AKAP7: variants seen among roughly 807,000 people sequenced by gnomAD.
AKAP7 encodes the protein A-kinase anchoring protein 7, also known as A kinase (PRKA) anchor protein 7.
In AKAP7, 39 loss-of-function variants were observed where a neutral mutation model predicts 39.5. That is an observed-to-expected ratio of 0.99 (90% CI 0.76 to 1.29). The LOEUF (loss-of-function observed/expected upper bound fraction) is 1.29. Among genes scored for constraint, AKAP7 ranks in the 50% most tolerant of loss-of-function variants. The pLI is 0.00. For synonymous variants in AKAP7, 140 were observed against 139.1 expected (o/e 1.01, Z -0.05); for missense variants, 414 against 407.7 (o/e 1.02, Z -0.13).
At chr6:131,203,083 G>C (rs1370071650) in intron 6 of AKAP7, among the ~76,000 whole-genome samples, 1 of 152,092 alleles carries the variant, frequency 6.6e-6, no homozygotes, top group African/African-American at 2.4e-5. Context: ...AGACCTGCAG[G>C]CTTAAATAAA....
chr6:131,252,933 C>A, intron 7 of AKAP7: 2 of 1,080,144 alleles, frequency 1.9e-6, no homozygotes, highest in South Asian at 1.4e-5. Context: ...CTGTAACAGG[C>A]GGTGGCCCTA....
At chr6:131,261,730 T>C (rs930062592) in intron 7 of AKAP7, among the ~76,000 whole-genome samples, 2 of 152,206 alleles carry the variant, frequency 1.3e-5, no homozygotes, top group East Asian at 3.9e-4. Context: ...AGCTGTTCCT[T>C]TGTACCCTTT....
chr6:131,183,317 C>T (rs921972880), intron 5 of AKAP7, among the ~76,000 whole-genome samples: 18 of 152,036 alleles, frequency 1.2e-4, no homozygotes, highest in East Asian at 1.9e-4. Flanking sequence ...CAGCTGCTAG[C>T]GAGCATGCAG....
chr6:131,272,242 A>G (rs1814344486), intron 7 of AKAP7, among the ~76,000 whole-genome samples: 1 of 152,150 alleles, frequency 6.6e-6, no homozygotes, highest in Non-Finnish European at 1.5e-5. Flanking sequence ...TATTGGCAAT[A>G]TACATCTTGT....
chr6:131,250,115 A>C (rs1014218865), intron 7 of AKAP7: 7 of 949,828 alleles, frequency 7.4e-6, no homozygotes, highest in African/African-American at 1.8e-5. Context: ...TTTAAGTAGC[A>C]GACAGAAAAT....
In AKAP7 at chr6:131,259,601, G is replaced by C. The variant is rs184680909; in HGVS notation, c.851-21929G>C. 6.2e-4 allele frequency among the ~76,000 whole-genome samples: 95 copies of C among 152,254 alleles called. 1 individual carries two copies. The highest frequency in any genetic ancestry group is 2.2e-3 in the African/African-American group (93 of 41,530). On this transcript the variant is annotated intron_variant, in intron 7 of 7. Coordinates refer to ENST00000431975, the MANE Select transcript of AKAP7 (RefSeq NM_016377.4). ...CAGTGGTAAAGATACATTAAACCCA[G>C]TAGTATTCTAATTATGTTTGCAGTA...
chr6:131,192,389 A>T (rs1431919327), intron 5 of AKAP7, among the ~76,000 whole-genome samples: 1 of 152,126 alleles, frequency 6.6e-6, no homozygotes, highest in Non-Finnish European at 1.5e-5. Flanking sequence ...TTGAAAATGA[A>T]TTCACTGTAG....
At chr6:131,205,567 GA>G (rs1808015434) in intron 6 of AKAP7, among the ~76,000 whole-genome samples, 1 of 152,146 alleles carries the variant, frequency 6.6e-6, no homozygotes, top group Admixed American at 6.6e-5. Flanking sequence ...TGAAAATACA[GA>G]AACTCTCTCT....
At chr6:131,178,488 G>T (rs190728296) in intron 5 of AKAP7, among the ~76,000 whole-genome samples, 3 of 152,170 alleles carry the variant, frequency 2.0e-5, no homozygotes, top group Admixed American at 6.5e-5. Flanking sequence ...CTTCTTTGAC[G>T]TTAGCATCCT....
At chr6:131,147,796 C>T (rs916295264) in intron 2 of AKAP7, among the ~76,000 whole-genome samples, 10 of 152,194 alleles carry the variant, frequency 6.6e-5, no homozygotes, top group African/African-American at 2.2e-4. Flanking sequence ...CATTGGAGTG[C>T]ATAAGTTAGA....
chr6:131,203,018 T>C (rs1807750341), intron 6 of AKAP7, among the ~76,000 whole-genome samples: 1 of 152,062 alleles, frequency 6.6e-6, no homozygotes, highest in African/African-American at 2.4e-5. Flanking sequence ...CTTTTGATGT[T>C]CAGTAAATGC....
At position 131,257,764 on chromosome 6, in the gene AKAP7, G is replaced by A. The variant is rs137977192; in HGVS notation, c.851-23766G>A. Among the ~76,000 whole-genome samples the A allele has an allele frequency of 2.0e-4, 31 of 152,256 alleles. 2 individuals carry two copies. In the East Asian group the frequency reaches 6.0e-3, roughly 29 times the overall value. On this transcript the variant is annotated intron_variant, in intron 7 of 7. Transcript: ENST00000431975. ...GAGAATGGAGCCAGCACAGAGGAAA[G>A]TAAGCCTAGGGAAGGAGAGAGTCCT...
At chr6:131,137,138 T>A (rs983213292) in intron 1 of AKAP7, among the ~76,000 whole-genome samples, 1 of 129,248 alleles carries the variant, frequency 7.7e-6, no homozygotes, top group Non-Finnish European at 1.7e-5. Context: ...AATTTTTGTA[T>A]TTTTTTTTTT....
chr6:131,270,461 C>T (rs748113036), intron 7 of AKAP7, among the ~76,000 whole-genome samples: 1 of 152,074 alleles, frequency 6.6e-6, no homozygotes, highest in Non-Finnish European at 1.5e-5. Context: ...TTGATTGATT[C>T]CCCAGTTGAA....
At chr6:131,237,796 T>C (rs898860780) in intron 7 of AKAP7, among the ~76,000 whole-genome samples, 3 of 152,154 alleles carry the variant, frequency 2.0e-5, no homozygotes, top group African/African-American at 7.2e-5. Context: ...TCTTCTCTCT[T>C]TTCTTCTTTA....
At chr6:131,252,266 A>G (rs1307877962) in intron 7 of AKAP7, among the ~76,000 whole-genome samples, 4 of 152,216 alleles carry the variant, frequency 2.6e-5, no homozygotes, top group Admixed American at 1.3e-4. Context: ...TTTAAGAAAA[A>G]AATGAAGATA....
Position 131,182,894 on chromosome 6 carries a change from A to G in AKAP7, c.589+13621A>G, listed in dbSNP as rs118170427. Among the ~76,000 whole-genome samples the G allele has an allele frequency of 3.3e-5, 5 of 152,274 alleles. No individual in the cohort carries two copies. In the East Asian group the frequency reaches 9.6e-4, roughly 29 times the overall value. On this transcript the variant is annotated intron_variant, in intron 5 of 7. Transcript: ENST00000431975. ...TAACAAAGAATTGTTGTAAACTTGAATTTATGTAACTAATTAAAACTAGCA... is the reference window on the plus strand; with the variant it reads ...TAACAAAGAATTGTTGTAAACTTGAGTTTATGTAACTAATTAAAACTAGCA...
At chr6:131,215,366 A>G (rs1295735569) in intron 6 of AKAP7, among the ~76,000 whole-genome samples, 1 of 152,240 alleles carries the variant, frequency 6.6e-6, no homozygotes. Flanking sequence ...GGTGCTGGAC[A>G]TGATCTGAAA....
At chr6:131,275,490 A>G (rs958123162) in intron 7 of AKAP7, among the ~76,000 whole-genome samples, 3 of 152,236 alleles carry the variant, frequency 2.0e-5, no homozygotes, top group African/African-American at 4.8e-5. Context: ...AATGACAGCT[A>G]TCTGCAGAAA....
Sources: gnomAD v4.1 joint callset for allele counts (sites outside exome capture counted in the v4.1 genomes callset) on GRCh38, gnomAD v4.1.1 for gene constraint, MANE v1.5 for transcripts, NCBI Gene and HGNC (gene_info 2026-07-23, HGNC 2026-07-21) for gene names.